Variants in SNAP91 observed in about 807,000 individuals in gnomAD.
SNAP91 encodes the protein clathrin coat assembly protein AP180.
Under a neutral mutation model 100.3 loss-of-function variants are expected in SNAP91, and 27 were observed. The observed-to-expected ratio is 0.27, with a 90% confidence interval of 0.20 to 0.37. The LOEUF (loss-of-function observed/expected upper bound fraction) is 0.37, where lower values mean the gene tolerates loss of function less well. Ranked by LOEUF, SNAP91 falls within the 10% of genes least tolerant of loss-of-function variation. The pLI is 1.00. For synonymous variants in SNAP91, 404 were observed against 398.6 expected, an observed-to-expected ratio of 1.01 and a Z score of -0.16; for missense variants, 986 against 1,123.7, an observed-to-expected ratio of 0.88 and a Z score of 1.75.
chr6:83,628,527 T>A (rs1562414042), intron 8 of SNAP91, among the ~76,000 whole-genome samples: 1 of 151,580 alleles, frequency 6.6e-6, no homozygotes, highest in Non-Finnish European at 1.5e-5. Flanking sequence ...TCTACTGTTT[T>A]TTTTTTTATT....
chr6:83,697,782 G>C (rs17260332), intron 2 of SNAP91, among the ~76,000 whole-genome samples: 26,670 of 152,086 alleles, frequency 0.18, 2,985 homozygotes, highest in South Asian at 0.28. Flanking sequence ...TTTTTAAGTA[G>C]AAAGTTTATG....
chr6:83,690,921 G>A (rs1320075758), intron 2 of SNAP91, among the ~76,000 whole-genome samples: 2 of 152,056 alleles, frequency 1.3e-5, no homozygotes, highest in African/African-American at 4.8e-5. Context: ...ACACTATGAT[G>A]TAGAAATTGC....
intron 8 of SNAP91, 68 bp downstream of exon 8, chr6:83,641,028 T>C (rs183050340): frequency 1.1e-6 from 1 of 872,594 alleles, no homozygotes. Context: ...CCTTCTATTA[T>C]ATATACTCCA....
intron 2 of SNAP91, among the ~76,000 whole-genome samples, chr6:83,695,922 A>G (rs1396626190): frequency 7.3e-6 from 1 of 136,722 alleles, no homozygotes; most frequent in Middle Eastern, 3.4e-3. Flanking sequence ...TGGAACAATA[A>G]TGAGAATTAT....
At chr6:83,650,463 G>A (rs1357379447) in intron 7 of SNAP91, among the ~76,000 whole-genome samples, 1 of 152,144 alleles carries the variant, frequency 6.6e-6, no homozygotes, top group Non-Finnish European at 1.5e-5. Flanking sequence ...CTGTTGCCCA[G>A]GCTGGAGTGC....
intron 2 of SNAP91, among the ~76,000 whole-genome samples, chr6:83,701,188 G>T (rs1371609344): frequency 6.6e-6 from 1 of 152,136 alleles, no homozygotes; most frequent in Admixed American, 6.5e-5. Context: ...CAAGATAATA[G>T]AGGCCAAAGA....
In SNAP91 at chr6:83,672,588, A is replaced by C. The variant is rs1368025237; in HGVS notation, c.131-7007T>G. On this transcript the variant is annotated intron_variant, in intron 2 of 29. Transcript: ENST00000369694. ...AGGTCTAACAGGTAATAAGGGGGCC[A>C]TATCTGTATTTATGGATCCCTAGTA... is the stretch of plus-strand genomic sequence containing the variant. 2.0e-5 allele frequency among the ~76,000 whole-genome samples: 3 copies of C among 152,156 alleles called. No individual in the cohort carries two copies. In the East Asian group the frequency reaches 5.8e-4, roughly 29 times the overall value.
At chr6:83,579,459 G>A (rs572642385) in intron 24 of SNAP91, among the ~76,000 whole-genome samples, 1 of 152,248 alleles carries the variant, frequency 6.6e-6, no homozygotes, top group East Asian at 1.9e-4. Flanking sequence ...GGGAAGGAAT[G>A]GAAAACAAAA....
intron 22 of SNAP91, among the ~76,000 whole-genome samples, chr6:83,588,503 A>G (rs1035165328): frequency 2.0e-5 from 3 of 152,214 alleles, no homozygotes; most frequent in Non-Finnish European, 4.4e-5. Context: ...TATTTTTTGT[A>G]AAGTGAACTA....
chr6:83,607,834 T>G, intron 12 of SNAP91, 26 bp from the exon 13 acceptor site: 1 of 1,397,698 alleles, frequency 7.2e-7, no homozygotes, highest in African/African-American at 1.4e-5. Context: ...CACAACACAC[T>G]TGAGTCAAAT....
At position 83,605,776 on chromosome 6, in the gene SNAP91, C is replaced by T. The variant is rs1170069729; in HGVS notation, c.1050G>A (p.Leu350=). ...CAGAGGAAAAGTCTGGCTGGAGGTC[C>T]AGGAGATCACTAGATGGTTTAGAAG... The part of the protein sequence containing the change: ...VSTSKPSSDL[L]DLQPDFSSGG... The change falls in exon 14 of 30, where the codon CTG becomes CTA. Residue 350 remains leucine, a synonymous_variant. Transcript: ENST00000369694. The T allele has an allele frequency of 6.4e-7, 1 of 1,552,596 alleles. No homozygotes were observed.
intron 28 of SNAP91, among the ~76,000 whole-genome samples, chr6:83,556,653 T>A (rs1302342185): frequency 1.3e-5 from 2 of 152,148 alleles, no homozygotes; most frequent in African/African-American, 4.8e-5. Context: ...CATAAAGATA[T>A]TATGAACAAA....
chr6:83,635,127 G>T (rs1167612897), intron 8 of SNAP91, among the ~76,000 whole-genome samples: 2 of 152,134 alleles, frequency 1.3e-5, no homozygotes, highest in African/African-American at 4.8e-5. Context: ...TTGTTGGGTG[G>T]AGTAGTCTGT....
At chr6:83,694,978 C>T (rs954606287) in intron 2 of SNAP91, among the ~76,000 whole-genome samples, 63 of 151,844 alleles carry the variant, frequency 4.1e-4, no homozygotes, top group Non-Finnish European at 8.8e-5. Context: ...TTTAAAAAAA[C>T]GAAAACTGTG....
At chr6:83,673,306 T>C (rs746705374) in intron 2 of SNAP91, among the ~76,000 whole-genome samples, 6 of 152,068 alleles carry the variant, frequency 3.9e-5, no homozygotes, top group Non-Finnish European at 7.4e-5. Flanking sequence ...AGAGGCCTCA[T>C]GAATGGGATT....
intron 11 of SNAP91, among the ~76,000 whole-genome samples, chr6:83,611,232 T>A (rs2096048855): frequency 6.6e-6 from 1 of 152,134 alleles, no homozygotes; most frequent in African/African-American, 2.4e-5. Context: ...ATAAAAACTC[T>A]AGCAAGAATA....
chr6:83,690,070 T>C (rs1317798794), intron 2 of SNAP91, among the ~76,000 whole-genome samples: 1 of 152,178 alleles, frequency 6.6e-6, no homozygotes, highest in East Asian at 1.9e-4. Flanking sequence ...AAAATCTTGT[T>C]TGCATTTTTG....
chr6:83,666,516 C>T (rs559625713), intron 2 of SNAP91, among the ~76,000 whole-genome samples: 3 of 152,190 alleles, frequency 2.0e-5, no homozygotes, highest in East Asian at 3.9e-4. Context: ...AACAAACATG[C>T]GCTTGCAACA....
intron 16 of SNAP91, among the ~76,000 whole-genome samples, chr6:83,598,257 T>G (rs1285143953): frequency 1.3e-5 from 2 of 152,208 alleles, no homozygotes; most frequent in Non-Finnish European, 2.9e-5. Context: ...TGCAATCCTG[T>G]TCTGCATGAT....
Sources: allele counts gnomAD v4.1 joint callset (sites outside exome capture counted in the v4.1 genomes callset), GRCh38; gene constraint gnomAD v4.1.1; transcripts MANE v1.5; gene names NCBI Gene and HGNC (gene_info 2026-07-23, HGNC 2026-07-21).